The following DISP1 variants were observed in gnomAD, a reference collection of about 807,000 sequenced individuals.
DISP1 encodes the protein protein dispatched homolog 1.
DISP1 carries 30 observed loss-of-function variants against 37.3 expected under a neutral mutation model. That is an observed-to-expected ratio of 0.80 (90% CI 0.60 to 1.09). The LOEUF is 1.09. Ranked by LOEUF, DISP1 falls within the 50% of genes least tolerant of loss-of-function variation. The probability of loss-of-function intolerance (pLI) is 0.00; values close to 1 mark genes in which losing one functional copy is unlikely to be tolerated. For synonymous variants in DISP1, 634 were observed against 690.2 expected (o/e 0.92, Z 1.28); for missense variants, 1,598 against 1,879.5 (o/e 0.85, Z 2.77).
At chr1:222,821,084 A>G (rs1019763045) in intron 1 of DISP1, among the ~76,000 whole-genome samples, 4 of 151,998 alleles carry the variant, frequency 2.6e-5, no homozygotes, top group African/African-American at 7.3e-5. Context: ...TATGTAGAGT[A>G]CTTCTCTACC....
chr1:222,857,716 A>C (rs1034081427), intron 1 of DISP1, among the ~76,000 whole-genome samples: 2 of 152,220 alleles, frequency 1.3e-5, no homozygotes, highest in Non-Finnish European at 2.9e-5. Context: ...CTAGGAATAC[A>C]GCTAACAAGG....
intron 1 of DISP1, among the ~76,000 whole-genome samples, chr1:222,840,169 C>T (rs1402669095): frequency 6.6e-6 from 1 of 152,132 alleles, no homozygotes; most frequent in African/African-American, 2.4e-5. Context: ...TCTTTTCCCA[C>T]CATGGTAAAG....
Position 223,003,556 on chromosome 1 carries a change from T to C in DISP1, c.2159T>C (p.Leu720Pro). 6.2e-7 allele frequency: 1 copy of C among 1,614,216 alleles called. No individual in the cohort carries two copies. Among genetic ancestry groups the C allele is most frequent in the Non-Finnish European group, 8.5e-7 (1 of 1,180,036 alleles). ...LPCIVIKFRY[L>P]WLFWFLALTV... Reference sequence around the variant, plus strand: ...TGCATTGTCATTAAGTTTCGCTACCTTTGGCTGTTTTGGTTCCTTGCCTTA... The same window carrying C: ...TGCATTGTCATTAAGTTTCGCTACCCTTGGCTGTTTTGGTTCCTTGCCTTA... The change falls in exon 9 of 9, where the codon CTT becomes CCT. Residue 720 changes from leucine to proline, a missense_variant. Transcript: ENST00000675850. This position sits in a 1 kb window ranked among gnomAD's most constrained non-coding sequence, Gnocchi z 4.3.
At chr1:222,895,389 G>C (rs1438875171) in intron 1 of DISP1, among the ~76,000 whole-genome samples, 1 of 152,104 alleles carries the variant, frequency 6.6e-6, no homozygotes, top group Non-Finnish European at 1.5e-5. Flanking sequence ...ACATTTTACT[G>C]TTAATTTGGC....
intron 2 of DISP1, among the ~76,000 whole-genome samples, chr1:222,942,153 T>C (rs1463324164): frequency 6.6e-6 from 1 of 152,120 alleles, no homozygotes; most frequent in Non-Finnish European, 1.5e-5. Context: ...ACCCATAGTA[T>C]TATTTTTCTC....
At chr1:222,973,109 C>G (rs1341503873) in intron 3 of DISP1, among the ~76,000 whole-genome samples, 1 of 152,096 alleles carries the variant, frequency 6.6e-6, no homozygotes, top group Non-Finnish European at 1.5e-5. Context: ...TAGAGTTAGC[C>G]AGGATGCCCC....
At chr1:222,955,726 G>T (rs1055977033) in intron 3 of DISP1, among the ~76,000 whole-genome samples, 2 of 152,182 alleles carry the variant, frequency 1.3e-5, no homozygotes, top group Non-Finnish European at 2.9e-5. Flanking sequence ...CCACCTTCAG[G>T]ACATTTACCA....
At chr1:222,817,334 G>A (rs530985160) in intron 1 of DISP1, among the ~76,000 whole-genome samples, 2 of 152,322 alleles carry the variant, frequency 1.3e-5, no homozygotes, top group African/African-American at 4.8e-5. Context: ...TATCAAAATA[G>A]TGATAACCAA....
chr1:222,923,189 T>A (rs1672901085), intron 1 of DISP1, among the ~76,000 whole-genome samples: 1 of 152,126 alleles, frequency 6.6e-6, no homozygotes, highest in Non-Finnish European at 1.5e-5. Context: ...AAAATGAAGA[T>A]GGACTTGGGG....
Position 222,944,606 on chromosome 1 carries a change from C to T in DISP1, c.509+1274C>T, listed in dbSNP as rs555516677. Among the ~76,000 whole-genome samples the T allele has an allele frequency of 1.6e-3, 250 of 152,278 alleles. 2 individuals are homozygous for T. Among genetic ancestry groups the T allele is most frequent in the Non-Finnish European group, 3.0e-3 (202 of 68,028 alleles). ...CTGATGTAGAACATTTCTGTCACCC[C>T]AGAAGGTAAGTTCCTTCATGCCCTT... On this transcript the variant is annotated intron_variant, in intron 3 of 8. Coordinates refer to ENST00000675850, the MANE Select transcript of DISP1 (RefSeq NM_001377229.1).
At chr1:222,919,780 C>T (rs1045709684) in intron 1 of DISP1, among the ~76,000 whole-genome samples, 4 of 152,174 alleles carry the variant, frequency 2.6e-5, no homozygotes, top group African/African-American at 9.7e-5. Context: ...ACCCTACTAG[C>T]CCTAATGTTT....
intron 1 of DISP1, among the ~76,000 whole-genome samples, chr1:222,832,845 G>A (rs983597756): frequency 6.6e-6 from 1 of 151,336 alleles, no homozygotes; most frequent in East Asian, 1.9e-4. Context: ...GCAGTGAGCC[G>A]AGGTCACGCC....
At chr1:222,827,488 T>C (rs1323458888) in intron 1 of DISP1, 1 of 152,210 alleles carries the variant, frequency 6.6e-6, no homozygotes, top group African/African-American at 2.4e-5. Context: ...TACTGAACAC[T>C]TTAATTTTGG....
At chr1:222,948,753 C>A (rs563606355) in intron 3 of DISP1, among the ~76,000 whole-genome samples, 3 of 152,058 alleles carry the variant, frequency 2.0e-5, no homozygotes, top group Admixed American at 2.0e-4. Context: ...AAACATTGAC[C>A]GCCTTAGAGT....
intron 1 of DISP1, among the ~76,000 whole-genome samples, chr1:222,858,094 G>C (rs1158897354): frequency 1.3e-5 from 2 of 152,088 alleles, no homozygotes; most frequent in Non-Finnish European, 2.9e-5. Context: ...CAGACACATA[G>C]ACCAGTGGAA....
chr1:222,849,958 G>A (rs1295608298), intron 1 of DISP1, among the ~76,000 whole-genome samples: 1 of 152,128 alleles, frequency 6.6e-6, no homozygotes, highest in African/African-American at 2.4e-5. Flanking sequence ...AAGACAGGTT[G>A]TATGTGGACA....
intron 3 of DISP1, among the ~76,000 whole-genome samples, chr1:222,975,975 T>C (rs1284696121): frequency 2.0e-5 from 3 of 152,128 alleles, no homozygotes; most frequent in Admixed American, 6.5e-5. Context: ...CACTACAGCC[T>C]GCGGGAGTGT....
intron 1 of DISP1, among the ~76,000 whole-genome samples, chr1:222,846,422 C>T (rs1333740199): frequency 1.3e-5 from 2 of 151,948 alleles, no homozygotes; most frequent in African/African-American, 4.8e-5. Context: ...ACCCGGGAGG[C>T]AGAGGTTGTG....
At chr1:222,952,076 A>G (rs1019941824) in intron 3 of DISP1, among the ~76,000 whole-genome samples, 2 of 152,196 alleles carry the variant, frequency 1.3e-5, no homozygotes, top group African/African-American at 4.8e-5. Context: ...TAGTGAAACA[A>G]TCATTTCTCT....
Sources: gnomAD v4.1 joint callset for allele counts (sites outside exome capture counted in the v4.1 genomes callset) on GRCh38, gnomAD v4.1.1 for gene constraint, Gnocchi (gnomAD v3.1) non-coding constraint, MANE v1.5 for transcripts, NCBI Gene and HGNC (gene_info 2026-07-23, HGNC 2026-07-21) for gene names.